The following ST6GALNAC6 variants were observed in gnomAD, a reference collection of about 807,000 sequenced individuals.
ST6GALNAC6 encodes the protein ST6 N-acetylgalactosaminide alpha-2,6-sialyltransferase 6.
A neutral mutation model predicts 34.3 loss-of-function variants in ST6GALNAC6; 19 were observed. The observed-to-expected ratio is 0.55, with a 90% CI of 0.39 to 0.81. The LOEUF (loss-of-function observed/expected upper bound fraction) is 0.81. Among genes scored for constraint, ST6GALNAC6 ranks in the 40% least tolerant of loss-of-function variants. The pLI, the probability that ST6GALNAC6 is intolerant of heterozygous loss-of-function variation, is 0.00. For missense variants in ST6GALNAC6, 377 were observed against 467.7 expected (o/e 0.81, Z 1.79); for synonymous variants, 185 against 182.1 (o/e 1.02, Z -0.13).
intron 2 of ST6GALNAC6, chr9:127,897,142 C>G (rs924026771): frequency 4.1e-6 from 4 of 982,078 alleles, no homozygotes; most frequent in Middle Eastern, 5.2e-4. Context: ...AGCTCTGCTC[C>G]GCACACCCCA....
chr9:127,887,910 A>T (rs2131466325), intron 5 of ST6GALNAC6, among the ~76,000 whole-genome samples: 1 of 152,338 alleles, frequency 6.6e-6, no homozygotes, highest in Middle Eastern at 3.4e-3. Context: ...AGAGCATGCT[A>T]AAAACAGTTG....
chr9:127,886,828 C>G, intron 6 of ST6GALNAC6, 40 bp from the exon 7 acceptor site: 1 of 1,548,668 alleles, frequency 6.5e-7, no homozygotes, highest in Non-Finnish European at 8.7e-7. Flanking sequence ...GCAAGGTGAG[C>G]GCTGGCAGGG....
At chr9:127,891,139 C>T in intron 4 of ST6GALNAC6, 96 bp from the exon 5 acceptor site, 2 of 1,395,330 alleles carry the variant, frequency 1.4e-6, no homozygotes, top group Non-Finnish European at 1.9e-6. Context: ...TTGTTATGCC[C>T]ATTTTAAAGA....
chr9:127,905,486 G>A (rs1830894254), upstream of ST6GALNAC6: 15 of 974,900 alleles, frequency 1.5e-5, no homozygotes, highest in Non-Finnish European at 1.7e-5. Flanking sequence ...CTTTTCCCAG[G>A]GGATAGAGAA....
chr9:127,896,138 A>C, intron 3 of ST6GALNAC6, 104 bp downstream of exon 3: 1 of 1,327,658 alleles, frequency 7.5e-7, no homozygotes, highest in Non-Finnish European at 1.1e-6. Flanking sequence ...CTTGCGGGGA[A>C]GAAGAGACTC....
chr9:127,900,704 C>T (rs1338860796), upstream of ST6GALNAC6, among the ~76,000 whole-genome samples: 1 of 151,840 alleles, frequency 6.6e-6, no homozygotes, highest in Non-Finnish European at 1.5e-5. Context: ...GTAATCCCAG[C>T]ACTTTGGGAG....
At position 127,886,602 on chromosome 9, in the gene ST6GALNAC6, G is replaced by A. The variant is rs1004773132; in HGVS notation, c.999C>T (p.Thr333=). ...YGITFSHPSW[T] ...GAGGTCCCACAGGCTGGGTGGCCTA[G>A]GTCCAGGAGGGGTGGGAGAAGGTGA... The change falls in exon 7 of 7, where the codon ACC becomes ACT. Residue 333 remains threonine (T), a synonymous_variant. Coordinates refer to ENST00000373146, the MANE Select transcript of ST6GALNAC6 (RefSeq NM_013443.5). 7 of 1,613,946 alleles carry A rather than the reference G, an allele frequency of 4.3e-6. No individual in the cohort carries two copies. Among genetic ancestry groups the A allele is most frequent in the Non-Finnish European group, 5.9e-6 (7 of 1,179,962 alleles).
chr9:127,896,100 A>G (rs2131552680), intron 3 of ST6GALNAC6, 142 bp downstream of exon 3: 1 of 971,366 alleles, frequency 1.0e-6, no homozygotes, highest in South Asian at 1.4e-5. Context: ...CAGGGCTTAA[A>G]TCTGGGCCTC....
upstream of ST6GALNAC6, among the ~76,000 whole-genome samples, chr9:127,902,569 A>C (rs1830795351): frequency 8.6e-5 from 1 of 11,640 alleles, no homozygotes; most frequent in African/African-American, 9.9e-5. Context: ...TGGTCACATT[A>C]TTATTATTAT....
Position 127,898,048 on chromosome 9 carries a change from G to A in ST6GALNAC6, c.-29-38C>T, listed in dbSNP as rs919726035. On this transcript the variant is annotated intron_variant, in intron 1 of 6. Coordinates refer to ENST00000373146, the MANE Select transcript of ST6GALNAC6 (RefSeq NM_013443.5). ...AACAATAAGAGTCGGTAACTCAAGG[G>A]GTTGTTGGAAGGATTCAAGCAGATG... 5.7e-6 allele frequency: 6 copies of A among 1,049,166 alleles called. No individual in the cohort carries two copies. In the East Asian group the frequency reaches 1.5e-4, roughly 27 times the overall value. The allele number at this position is 1,049,166 out of a possible 1,614,324, so 65.0% of individuals were successfully genotyped here.
upstream of ST6GALNAC6, chr9:127,905,927 G>T: frequency 1.0e-6 from 1 of 985,232 alleles, no homozygotes; most frequent in Non-Finnish European, 1.2e-6. Context: ...ACTCCATCCC[G>T]CCCTTACCTC....
At chr9:127,902,894 AATTTTTATATATATTTAAAT>A (rs1830807701), upstream of ST6GALNAC6, 1 of 149,418 alleles carries the variant, frequency 6.7e-6, no homozygotes, top group Non-Finnish European at 1.5e-5. Flanking sequence ...CAGCCCACAC[AATTTTTATATATATTTAAAT>A]ATTTTTATAT....
intron 5 of ST6GALNAC6, 84 bp from the exon 6 acceptor site, chr9:127,887,675 C>G: frequency 9.2e-7 from 1 of 1,084,406 alleles, no homozygotes; most frequent in African/African-American, 1.6e-5. Flanking sequence ...GTGGAGTTCC[C>G]TGGAACTCCT....
Position 127,890,614 on chromosome 9 carries a change from G to A in ST6GALNAC6, c.704+23C>T. ...GAGAAGGAGCACAGTGCTGGCCAGA[G>A]GGGGCAGGCAGGAGGCTGGTACCTG... is the stretch of plus-strand genomic sequence containing the variant. On this transcript the variant is annotated intron_variant, in intron 5 of 6. Transcript: ENST00000373146. This position sits in a 1 kb window ranked among gnomAD's most constrained non-coding sequence, Gnocchi z 4.3. 2.5e-6 allele frequency: 4 copies of A among 1,612,860 alleles called. No homozygotes were observed. Among genetic ancestry groups the A allele is most frequent in the Non-Finnish European group, 2.5e-6 (3 of 1,179,906 alleles).
At position 127,886,396 on chromosome 9, in the gene ST6GALNAC6, T is replaced by TA; in HGVS notation, c.*202dup. 7.0e-7 allele frequency: 1 copy of TA among 1,423,858 alleles called. No individual in the cohort carries two copies. The highest frequency in any genetic ancestry group is 9.2e-7 in the Non-Finnish European group (1 of 1,087,800). 88.2% of individuals were successfully genotyped at this position (1,423,858 alleles called of 1,614,324 possible). A position where few individuals can be genotyped will look rare whatever the true frequency, so the allele number is the denominator to read the frequency against. On this transcript the variant is annotated 3_prime_UTR_variant, in exon 7 of 7. Transcript: ENST00000373146. ...ACTGCACAAGAAAGACACCCCTGATTAACCGCATAGACTCCCAAATCCCTG... is the reference window on the plus strand; with the variant it reads ...ACTGCACAAGAAAGACACCCCTGATTAAACCGCATAGACTCCCAAATCCCTG...
chr9:127,897,808 C>T, intron 2 of ST6GALNAC6, 148 bp downstream of exon 2: 2 of 1,528,868 alleles, frequency 1.3e-6, no homozygotes, highest in Admixed American at 1.9e-5. Context: ...GCCCCCTGCC[C>T]GCCGCCCACT....
chr9:127,891,857 T>C (rs1448252402), intron 4 of ST6GALNAC6, among the ~76,000 whole-genome samples: 3 of 147,454 alleles, frequency 2.0e-5, no homozygotes, highest in Admixed American at 6.7e-5. Flanking sequence ...ACTTTAGGAG[T>C]GGTGGCCTGG....
intron 3 of ST6GALNAC6, among the ~76,000 whole-genome samples, chr9:127,895,093 C>T (rs1213753079): frequency 6.6e-6 from 1 of 152,194 alleles, no homozygotes; most frequent in Admixed American, 6.5e-5. Flanking sequence ...TAGGTCTTCC[C>T]CCAACAGTAA....
chr9:127,886,859 C>T (rs1187346554), intron 6 of ST6GALNAC6, 71 bp from the exon 7 acceptor site: 5 of 1,459,354 alleles, frequency 3.4e-6, no homozygotes, highest in African/African-American at 2.8e-5. Flanking sequence ...TTCAGCCCCT[C>T]GCTTACCATA....
Sources: allele counts gnomAD v4.1 joint callset (sites outside exome capture counted in the v4.1 genomes callset), GRCh38; gene constraint gnomAD v4.1.1; non-coding constraint Gnocchi (gnomAD v3.1); transcripts MANE v1.5; gene names NCBI Gene and HGNC (gene_info 2026-07-23, HGNC 2026-07-21).